Variants in PTGS1 observed in about 807,000 individuals in gnomAD.
PTGS1 encodes prostaglandin-endoperoxide synthase 1, also known as prostaglandin G/H synthase 1.
Under a neutral mutation model 63.0 loss-of-function variants are expected in PTGS1, and 40 were observed. The ratio of observed to expected loss-of-function variants is 0.63; its 90% confidence interval spans 0.49 to 0.83. PTGS1 has a LOEUF of 0.83. Among genes scored for constraint, PTGS1 ranks in the 40% least tolerant of loss-of-function variants. The pLI is 0.00. For synonymous variants in PTGS1, 298 were observed against 301.9 expected, an observed-to-expected ratio of 0.99 and a Z score of 0.13; for missense variants, 709 against 786.5, an observed-to-expected ratio of 0.90 and a Z score of 1.18.
intron 7 of PTGS1, 141 bp downstream of exon 7, chr9:122,381,888 A>G (rs1837553119): frequency 3.5e-6 from 3 of 849,904 alleles, no homozygotes; most frequent in East Asian, 2.7e-5. Flanking sequence ...GAGCGACAGT[A>G]TACGCTGGGA....
chr9:122,391,783 C>A (rs1271030096), intron 10 of PTGS1, among the ~76,000 whole-genome samples: 1 of 152,056 alleles, frequency 6.6e-6, no homozygotes, highest in East Asian at 1.9e-4. Flanking sequence ...CATCTTTGAG[C>A]TCTAGTAGTA....
chr9:122,389,450 C>T (rs941186368), intron 9 of PTGS1, among the ~76,000 whole-genome samples: 1 of 151,802 alleles, frequency 6.6e-6, no homozygotes, highest in Non-Finnish European at 1.5e-5. Context: ...TGTGCCTGGT[C>T]AGCACCAGAG....
rs1464361690 is a variant in PTGS1, at chr9:122,386,600, C to G, written c.1164C>G (p.Pro388=). Residue 388 remains proline, a synonymous_variant, in exon 9 of 11, where the codon CCC becomes CCG. Transcript: ENST00000362012. ...MEFNHLYHWH[P]LMPDSFKVGS... is the part of the protein sequence containing the mutation. Reference sequence around the variant, plus strand: ...TCAACCATCTCTACCACTGGCACCCCCTCATGCCTGACTCCTTCAAGGTGG... The same window carrying G: ...TCAACCATCTCTACCACTGGCACCCGCTCATGCCTGACTCCTTCAAGGTGG... The G allele has an allele frequency of 6.2e-7, 1 of 1,614,228 alleles. No homozygotes were observed.
rs778555893 is a variant in PTGS1, at chr9:122,392,205, A to G, written c.1461A>G (p.Ala487=). Residue 487 remains alanine, a synonymous_variant, in exon 11 of 11, where the codon GCA becomes GCG. Coordinates refer to ENST00000362012, the MANE Select transcript of PTGS1 (RefSeq NM_000962.4). ...FQELVGEKEM[A]AELEELYGDI... is the part of the protein sequence containing the mutation. Reference sequence around the variant, plus strand: ...TCCTTGTAGGAGAGAAGGAGATGGCAGCAGAGTTGGAGGAATTGTATGGAG... The same window carrying G: ...TCCTTGTAGGAGAGAAGGAGATGGCGGCAGAGTTGGAGGAATTGTATGGAG... 1 of 1,590,776 alleles carries G rather than the reference A, an allele frequency of 6.3e-7. No homozygotes were observed. Among genetic ancestry groups the G allele is most frequent in the African/African-American group, 1.3e-5 (1 of 74,572 alleles).
chr9:122,386,821 T>C (rs934532323), intron 9 of PTGS1, 89 bp downstream of exon 9: 19 of 1,470,316 alleles, frequency 1.3e-5, no homozygotes, highest in Non-Finnish European at 1.7e-5. Flanking sequence ...TTCTGTAAAA[T>C]GGGGCTGATG....
intron 10 of PTGS1, among the ~76,000 whole-genome samples, chr9:122,391,490 C>T (rs1405830517): frequency 6.8e-6 from 1 of 146,984 alleles, no homozygotes; most frequent in African/African-American, 2.5e-5. Flanking sequence ...GTTTCCAGCC[C>T]TTGTCACATA....
intron 7 of PTGS1, among the ~76,000 whole-genome samples, chr9:122,382,896 A>G (rs1837609267): frequency 6.6e-6 from 1 of 152,216 alleles, no homozygotes; most frequent in Admixed American, 6.5e-5. Flanking sequence ...ATAAACCCAG[A>G]GTTGCATAAA....
At chr9:122,380,047 G>A (rs772856842) in intron 5 of PTGS1, among the ~76,000 whole-genome samples, 1 of 152,126 alleles carries the variant, frequency 6.6e-6, no homozygotes, top group Non-Finnish European at 1.5e-5. Flanking sequence ...CTTTATGCCA[G>A]ACATAGAAAG....
In PTGS1 at chr9:122,377,967, C is replaced by A; in HGVS notation, c.163C>A (p.Gln55Lys). 1 of 1,614,046 alleles carries A rather than the reference C, an allele frequency of 6.2e-7. No individual in the cohort carries two copies. Among genetic ancestry groups the A allele is most frequent in the African/African-American group, 1.3e-5 (1 of 75,064 alleles). Residue 55 changes from glutamine to lysine, a missense_variant, in exon 3 of 11, where the codon CAG (glutamine) becomes AAG (lysine). Coordinates refer to ENST00000362012, the MANE Select transcript of PTGS1 (RefSeq NM_000962.4). ...ICVRFGLDRY[Q>K]CDCTRTGYSG... ...TGTCCGCTTCGGCCTTGACCGCTAC[C>A]AGTGTGACTGCACCCGCACGGGCTA...
chr9:122,370,937 A>C, upstream of PTGS1: 1 of 1,322,334 alleles, frequency 7.6e-7, no homozygotes, highest in Non-Finnish European at 1.0e-6. Flanking sequence ...CAGAGGAAGT[A>C]AGCGGGCAGC....
chr9:122,387,473 G>C (rs1043504725), intron 9 of PTGS1, among the ~76,000 whole-genome samples: 1 of 152,188 alleles, frequency 6.6e-6, no homozygotes, highest in East Asian at 1.9e-4. Flanking sequence ...ACTGCATTTG[G>C]AGACAAGGTC....
chr9:122,378,991 C>T (rs988420305), intron 5 of PTGS1, 73 bp downstream of exon 5: 100 of 1,567,030 alleles, frequency 6.4e-5, no homozygotes, highest in Middle Eastern at 2.0e-4. Context: ...AAAAATCAGG[C>T]GAAGAACAAT....
chr9:122,384,825 C>T (rs373116790), intron 8 of PTGS1, among the ~76,000 whole-genome samples: 11 of 150,516 alleles, frequency 7.3e-5, no homozygotes, highest in East Asian at 2.0e-4. Context: ...TTCCCCCTCG[C>T]GTCTACACTT....
intron 2 of PTGS1, among the ~76,000 whole-genome samples, chr9:122,373,432 G>A (rs1433265380): frequency 1.3e-5 from 2 of 152,180 alleles, no homozygotes; most frequent in South Asian, 2.1e-4. Context: ...CACCTAAGAG[G>A]GCAGGCGGAG....
At chr9:122,385,107 G>C (rs561715138) in intron 8 of PTGS1, among the ~76,000 whole-genome samples, 1 of 152,026 alleles carries the variant, frequency 6.6e-6, no homozygotes, top group African/African-American at 2.4e-5. Flanking sequence ...ACAGGTGCCC[G>C]CCACCATGCC....
chr9:122,379,812 AT>A (rs10306144), intron 5 of PTGS1, among the ~76,000 whole-genome samples: 4,107 of 152,058 alleles, frequency 0.027, 198 homozygotes, highest in African/African-American at 0.093. Flanking sequence ...GGTACTTGAT[AT>A]TTTTTCCTGC....
intron 9 of PTGS1, among the ~76,000 whole-genome samples, chr9:122,387,391 C>T (rs1018473593): frequency 2.0e-5 from 3 of 152,120 alleles, no homozygotes; most frequent in East Asian, 1.9e-4. Context: ...CATAAGCCTC[C>T]GCTCTGGGCT....
chr9:122,387,816 C>T (rs1007305892), intron 9 of PTGS1, among the ~76,000 whole-genome samples: 1 of 152,246 alleles, frequency 6.6e-6, no homozygotes, highest in Non-Finnish European at 1.5e-5. Flanking sequence ...CTCCCCTTCT[C>T]CACATTCGGA....
intron 2 of PTGS1, among the ~76,000 whole-genome samples, chr9:122,376,490 AGGGCAGGGGATAG>A (rs1489517137): frequency 6.6e-6 from 1 of 151,992 alleles, no homozygotes; most frequent in Non-Finnish European, 1.5e-5. Context: ...GACTGAGACC[AGGGCAGGGGATAG>A]GGGGCAGGTC....
Sources: gnomAD v4.1 joint callset for allele counts (sites outside exome capture counted in the v4.1 genomes callset) on GRCh38, gnomAD v4.1.1 for gene constraint, MANE v1.5 for transcripts, NCBI Gene and HGNC (gene_info 2026-07-23, HGNC 2026-07-21) for gene names.